The following DPPA2 variants were observed in gnomAD, a reference collection of about 807,000 sequenced individuals.
The protein encoded by DPPA2 is developmental pluripotency-associated protein 2.
Under a neutral mutation model 36.2 loss-of-function variants are expected in DPPA2, and 26 were observed. The observed-to-expected ratio is 0.72, with a 90% CI of 0.53 to 1.00. The LOEUF (loss-of-function observed/expected upper bound fraction) is 1.00. DPPA2 is among the 50% of genes least tolerant of loss of function. The pLI, the probability that DPPA2 is intolerant of heterozygous loss-of-function variation, is 0.00. For synonymous variants in DPPA2, 113 were observed against 123.2 expected, an observed-to-expected ratio of 0.92 and a Z score of 0.55; for missense variants, 361 against 365.1, an observed-to-expected ratio of 0.99 and a Z score of 0.09.
At chr3:109,312,114 A>G (rs1707721356) in intron 3 of DPPA2, among the ~76,000 whole-genome samples, 1 of 152,134 alleles carries the variant, frequency 6.6e-6, no homozygotes, top group Non-Finnish European at 1.5e-5. Flanking sequence ...CGGGCACATC[A>G]CTTGAGGTCA....
chr3:109,304,273 CA>C (rs762555789), intron 7 of DPPA2, among the ~76,000 whole-genome samples: 194 of 134,550 alleles, frequency 1.4e-3, no homozygotes, highest in Admixed American at 1.4e-3. Context: ...AACTCCATCT[CA>C]AAAAAAAAAA....
rs753659122 is a variant in DPPA2 at position 109,309,031 on chromosome 3, G to C, written c.391C>G (p.Arg131Gly). 1.2e-6 allele frequency: 2 copies of C among 1,614,176 alleles called. No homozygotes were observed. The highest frequency in any genetic ancestry group is 1.3e-5 in the African/African-American group (1 of 75,056). ...RLHRHAYPEQ[R>G]QDMPEMSQET... ...TCAACACACTCATTACTCACTTGCC[G>C]TTGTTCAGGGTAAGCATGCCTATGA... Residue 131 changes from arginine (R) to glycine (G), a missense_variant, in exon 5 of 9, where the codon CGG becomes GGG. Physicochemically the swap from Arg to Gly is moderately radical, Grantham distance 125. Transcript: ENST00000478945.
intron 7 of DPPA2, among the ~76,000 whole-genome samples, chr3:109,303,579 G>A (rs1707497223): frequency 6.6e-6 from 1 of 151,562 alleles, no homozygotes; most frequent in Non-Finnish European, 1.5e-5. Flanking sequence ...ATATTGGTCA[G>A]GCTGGTCTCG....
intron 6 of DPPA2, among the ~76,000 whole-genome samples, chr3:109,305,816 G>A (rs1707552417): frequency 6.6e-6 from 1 of 150,776 alleles, no homozygotes; most frequent in African/African-American, 2.4e-5. Context: ...ATTTAAGTAG[G>A]GAGATGTGAT....
At chr3:109,302,694 C>T (rs1451347368) in intron 7 of DPPA2, among the ~76,000 whole-genome samples, 3 of 150,754 alleles carry the variant, frequency 2.0e-5, no homozygotes, top group Admixed American at 6.7e-5. Flanking sequence ...CCTCGTGATC[C>T]GCCCGCCTCG....
intron 8 of DPPA2, among the ~76,000 whole-genome samples, chr3:109,299,203 CCAAA>C (rs1707412612): frequency 9.4e-6 from 1 of 106,852 alleles, no homozygotes; most frequent in East Asian, 2.4e-4. Flanking sequence ...ACTAAACATA[CCAAA>C]AAAAAAAAAA....
chr3:109,297,385 A>C (rs926280719), intron 8 of DPPA2, among the ~76,000 whole-genome samples: 3 of 151,984 alleles, frequency 2.0e-5, no homozygotes, highest in African/African-American at 4.8e-5. Context: ...TTAACCAGTC[A>C]TGGTAGCGTG....
chr3:109,315,966 A>G (rs1343794394), intron 1 of DPPA2, among the ~76,000 whole-genome samples: 1 of 152,218 alleles, frequency 6.6e-6, no homozygotes, highest in Non-Finnish European at 1.5e-5. Context: ...ATAAATTATG[A>G]GGCCCCACCC....
At chr3:109,301,949 G>A (rs2107306506) in intron 7 of DPPA2, among the ~76,000 whole-genome samples, 1 of 152,096 alleles carries the variant, frequency 6.6e-6, no homozygotes, top group East Asian at 1.9e-4. Context: ...TTTCAAAAAG[G>A]CCATCAGCAG....
At chr3:109,296,816 C>T (rs1255475453) in intron 8 of DPPA2, among the ~76,000 whole-genome samples, 9 of 151,930 alleles carry the variant, frequency 5.9e-5, no homozygotes, top group African/African-American at 2.2e-4. Context: ...AAAAAATGTG[C>T]AAAAAGGCCA....
intron 1 of DPPA2, 22 bp downstream of exon 1, chr3:109,316,262 A>C (rs1305682065): frequency 6.8e-6 from 1 of 147,622 alleles, no homozygotes; most frequent in Non-Finnish European, 1.5e-5. Flanking sequence ...GCTAATATTT[A>C]AATTTTTTGT....
intron 2 of DPPA2, among the ~76,000 whole-genome samples, chr3:109,314,135 A>T (rs774355070): frequency 2.0e-5 from 3 of 150,932 alleles, no homozygotes; most frequent in Non-Finnish European, 4.4e-5. Context: ...CTTTGCTTTT[A>T]AAAAAAAACT....
At chr3:109,310,517 T>G (rs1374776152) in intron 3 of DPPA2, among the ~76,000 whole-genome samples, 1 of 151,738 alleles carries the variant, frequency 6.6e-6, no homozygotes, top group East Asian at 2.0e-4. Context: ...TTTTGTTGTT[T>G]TTTTTTGAGA....
At chr3:109,302,247 C>T (rs1034758910) in intron 7 of DPPA2, among the ~76,000 whole-genome samples, 2 of 152,216 alleles carry the variant, frequency 1.3e-5, no homozygotes, top group East Asian at 1.9e-4. Flanking sequence ...AACTCTAGAA[C>T]TTGTCCCAAA....
intron 7 of DPPA2, among the ~76,000 whole-genome samples, chr3:109,302,231 T>C (rs1248385327): frequency 6.6e-6 from 1 of 152,190 alleles, no homozygotes; most frequent in Non-Finnish European, 1.5e-5. Context: ...CTCATACTTC[T>C]CTCAGAACTC....
rs758019492 is a variant in DPPA2, at chr3:109,314,551, A to T, written c.-9T>A. On this transcript the variant is annotated 5_prime_UTR_variant, in exon 2 of 9. It adds an upstream start codon to the 5' untranslated region. Coordinates refer to ENST00000478945, the MANE Select transcript of DPPA2 (RefSeq NM_138815.4). Reference sequence around the variant, plus strand: ...AAATTTGCATCTGACATTTTCAGCAACACCCTGGGGAAGGCAAGGACAGCA... The same window carrying T: ...AAATTTGCATCTGACATTTTCAGCATCACCCTGGGGAAGGCAAGGACAGCA... The T allele has an allele frequency of 1.0e-5, 16 of 1,603,070 alleles. No individual in the cohort carries two copies. The highest frequency in any genetic ancestry group is 1.4e-5 in the Non-Finnish European group (16 of 1,172,458).
intron 8 of DPPA2, among the ~76,000 whole-genome samples, chr3:109,296,632 G>A (rs1260389979): frequency 3.3e-5 from 5 of 151,504 alleles, no homozygotes; most frequent in African/African-American, 2.4e-5. Flanking sequence ...CCAAGATCGC[G>A]CCATTGCGCT....
rs77754292 is a variant in DPPA2 at position 109,298,098 on chromosome 3, A to G, written c.*22+2273T>C. 1.2e-3 allele frequency among the ~76,000 whole-genome samples: 188 copies of G among 152,098 alleles called. 1 individual carries two copies. Among genetic ancestry groups the G allele is most frequent in the African/African-American group, 4.4e-3 (182 of 41,490 alleles). On this transcript the variant is annotated intron_variant, in intron 8 of 8. Coordinates refer to ENST00000478945, the MANE Select transcript of DPPA2 (RefSeq NM_138815.4). ...TGCACTCCAGCCTGGGTGACTGAGC[A>G]AAAAGATCTATGGTTTCCAGTGTAT...
intron 5 of DPPA2, among the ~76,000 whole-genome samples, chr3:109,308,551 G>A (rs1366335404): frequency 1.3e-5 from 2 of 152,056 alleles, no homozygotes; most frequent in Admixed American, 1.3e-4. Context: ...TAGTAAAGAC[G>A]GGGTTTCTCC....
Sources: allele counts gnomAD v4.1 joint callset (sites outside exome capture counted in the v4.1 genomes callset), GRCh38; gene constraint gnomAD v4.1.1; transcripts MANE v1.5; gene names NCBI Gene and HGNC (gene_info 2026-07-23, HGNC 2026-07-21).